Variants in PXDNL observed in about 807,000 individuals in gnomAD.
PXDNL encodes the protein peroxidasin like.
Under a neutral mutation model 150.8 loss-of-function variants are expected in PXDNL, and 145 were observed. The observed-to-expected ratio is 0.96, with a 90% CI of 0.84 to 1.10. The LOEUF is 1.10. PXDNL is among the 50% of genes least tolerant of loss of function. The probability of loss-of-function intolerance (pLI) is 0.00; values close to 1 mark genes in which losing one functional copy is unlikely to be tolerated. For synonymous variants in PXDNL, 757 were observed against 725.7 expected (o/e 1.04, Z -0.69); for missense variants, 2,087 against 1,873.9 (o/e 1.11, Z -2.10).
At chr8:51,733,047 T>A (rs1019971578) in intron 1 of PXDNL, among the ~76,000 whole-genome samples, 1 of 152,174 alleles carries the variant, frequency 6.6e-6, no homozygotes, top group Non-Finnish European at 1.5e-5. Flanking sequence ...TCACCTTGAG[T>A]AAGAGTCTAA....
chr8:51,526,775 C>A (rs558376544), intron 4 of PXDNL, among the ~76,000 whole-genome samples: 127 of 152,256 alleles, frequency 8.3e-4, no homozygotes, highest in African/African-American at 2.8e-3. Context: ...GTGCCTGGAC[C>A]ACCATTACCT....
intron 2 of PXDNL, among the ~76,000 whole-genome samples, chr8:51,603,114 A>G (rs1308564775): frequency 1.3e-5 from 2 of 151,878 alleles, no homozygotes; most frequent in East Asian, 1.9e-4. Flanking sequence ...CAAATCTCCA[A>G]CATGTATCTG....
chr8:51,517,436 T>C (rs566979697), intron 4 of PXDNL, among the ~76,000 whole-genome samples: 4 of 152,290 alleles, frequency 2.6e-5, no homozygotes, highest in Admixed American at 2.0e-4. Context: ...TAATGGTATA[T>C]ATAATAATGC....
chr8:51,599,599 T>C (rs541733676), intron 2 of PXDNL, among the ~76,000 whole-genome samples: 3 of 147,934 alleles, frequency 2.0e-5, no homozygotes, highest in African/African-American at 7.3e-5. Flanking sequence ...TATCAAGATA[T>C]AATAAATTAT....
intron 3 of PXDNL, among the ~76,000 whole-genome samples, chr8:51,566,691 T>C (rs1812836782): frequency 6.6e-6 from 1 of 151,532 alleles, no homozygotes; most frequent in Non-Finnish European, 1.5e-5. Context: ...TTCTTCACTA[T>C]CCAGGCTGGG....
chr8:51,433,614 C>G (rs1809316233), intron 12 of PXDNL, among the ~76,000 whole-genome samples: 1 of 152,138 alleles, frequency 6.6e-6, no homozygotes, highest in Non-Finnish European at 1.5e-5. Flanking sequence ...GCTGCCACTT[C>G]TCCTTTCTTA....
At chr8:51,784,735 A>AG (rs2037445344) in intron 1 of PXDNL, among the ~76,000 whole-genome samples, 2 of 102,712 alleles carry the variant, frequency 1.9e-5, no homozygotes, top group South Asian at 7.9e-4. Flanking sequence ...TCCTGCAGTT[A>AG]GAAAAAAAAA....
chr8:51,637,007 G>A (rs776929549), intron 2 of PXDNL, among the ~76,000 whole-genome samples: 2 of 152,098 alleles, frequency 1.3e-5, no homozygotes, highest in Admixed American at 1.3e-4. Context: ...CCAGAGGAAC[G>A]ATCAGGTAGC....
chr8:51,573,255 G>A (rs1241882450), intron 3 of PXDNL, among the ~76,000 whole-genome samples: 1 of 151,904 alleles, frequency 6.6e-6, no homozygotes, highest in African/African-American at 2.4e-5. Context: ...CCCCATAGCT[G>A]TGTTGTCAGA....
Position 51,577,675 on chromosome 8 carries a change from C to A in PXDNL, c.308+14952G>T, listed in dbSNP as rs187996103. On this transcript the variant is annotated intron_variant, in intron 3 of 22. Coordinates refer to ENST00000356297, the MANE Select transcript of PXDNL (RefSeq NM_144651.5). ...TAAGGAAAAAACCTTTGACTAAATT[C>A]TATGCCCATTCATGATCAAAGCTCC... 2.7e-5 allele frequency among the ~76,000 whole-genome samples: 4 copies of A among 149,492 alleles called. No homozygotes were observed. The East Asian group carries it at 5.9e-4, about 22-fold the overall frequency.
At chr8:51,644,677 T>C (rs1355770686) in intron 2 of PXDNL, among the ~76,000 whole-genome samples, 1 of 151,632 alleles carries the variant, frequency 6.6e-6, no homozygotes, top group African/African-American at 2.4e-5. Flanking sequence ...CAGGATGGTC[T>C]CGATCTCCTG....
chr8:51,606,511 A>G (rs1813839733), intron 2 of PXDNL, among the ~76,000 whole-genome samples: 1 of 152,214 alleles, frequency 6.6e-6, no homozygotes, highest in Non-Finnish European at 1.5e-5. Flanking sequence ...TACTCTAACT[A>G]TAAAGTTCTT....
At chr8:51,628,399 CTTTTT>C (rs71550276) in intron 2 of PXDNL, among the ~76,000 whole-genome samples, 39 of 69,782 alleles carry the variant, frequency 5.6e-4, no homozygotes, top group Admixed American at 2.0e-3. Flanking sequence ...CTTTTCTTTT[CTTTTT>C]TTTTTTTTTT....
At chr8:51,644,405 C>CATATATATATACAT (rs10685147) in intron 2 of PXDNL, among the ~76,000 whole-genome samples, 2 of 82,714 alleles carry the variant, frequency 2.4e-5, no homozygotes, top group African/African-American at 7.7e-5. Flanking sequence ...TATATATACA[C>CATATATATATACAT]ATGTGTGTGT....
Position 51,409,216 on chromosome 8 carries a change from A to T in PXDNL, c.2408T>A (p.Leu803His), listed in dbSNP as rs774021699. The T allele has an allele frequency of 3.8e-6, 6 of 1,571,644 alleles. No individual in the cohort carries two copies. Residue 803 changes from leucine to histidine, a missense_variant, in exon 17 of 23, where the codon CTC becomes CAC. Transcript: ENST00000356297. The stretch of plus-strand genomic sequence containing the variant: ...CTCTAGAAACCAGCCCCAGTGCATG[A>T]GCATGCGCGTGTAGCTGTGGTCGGG... Reference protein sequence around the residue: ...VTPDHSYTRMLMHWGWFLEHD... With the variant: ...VTPDHSYTRMHMHWGWFLEHD...
intron 13 of PXDNL, among the ~76,000 whole-genome samples, chr8:51,425,184 T>A (rs1326717018): frequency 6.6e-6 from 1 of 152,242 alleles, no homozygotes; most frequent in Non-Finnish European, 1.5e-5. Context: ...ATCAGATGGC[T>A]TTCCAGCACA....
In PXDNL at chr8:51,319,907, G is replaced by A. The variant is rs1362326689; in HGVS notation, c.4376C>T (p.Ser1459Phe). 6.5e-7 allele frequency: 1 copy of A among 1,542,892 alleles called. No homozygotes were observed. The highest frequency in any genetic ancestry group is 8.7e-7 in the Non-Finnish European group (1 of 1,147,808). ...VCRDRGMPSD[S>F]PEKR ...AAACTTTTATTAGCGCTTCTCTGGG[G>A]AATCACTTGGCATTCCTCGGTCTCT... Residue 1459 changes from serine to phenylalanine, a missense_variant, in exon 23 of 23, where the codon TCC (serine) becomes TTC (phenylalanine). Coordinates refer to ENST00000356297, the MANE Select transcript of PXDNL (RefSeq NM_144651.5).
At chr8:51,413,442 A>G (rs1004383954) in intron 14 of PXDNL, among the ~76,000 whole-genome samples, 184 bp from the exon 15 acceptor site, 1 of 152,228 alleles carries the variant, frequency 6.6e-6, no homozygotes, top group Non-Finnish European at 1.5e-5. Context: ...ATTATCTTGA[A>G]GCAAGGCTTC....
chr8:51,709,442 G>T (rs1223509086), intron 1 of PXDNL, among the ~76,000 whole-genome samples: 1 of 152,010 alleles, frequency 6.6e-6, no homozygotes, highest in Non-Finnish European at 1.5e-5. Flanking sequence ...TTTTAGTAGA[G>T]ACAGGGTTTC....
Sources: allele counts gnomAD v4.1 joint callset (sites outside exome capture counted in the v4.1 genomes callset), GRCh38; gene constraint gnomAD v4.1.1; transcripts MANE v1.5; gene names NCBI Gene and HGNC (gene_info 2026-07-23, HGNC 2026-07-21).